NFIB: variants seen among roughly 807,000 people sequenced by gnomAD.
NFIB encodes the protein nuclear factor 1 B-type.
Under a neutral mutation model 61.5 loss-of-function variants are expected in NFIB, and 11 were observed. The ratio of observed to expected loss-of-function variants is 0.18; its 90% CI spans 0.11 to 0.30. The LOEUF (loss-of-function observed/expected upper bound fraction) is 0.30, where lower values mean the gene tolerates loss of function less well. NFIB is among the 10% of genes least tolerant of loss of function. NFIB has a pLI of 1.00. For missense variants in NFIB, 471 were observed against 608.9 expected, an observed-to-expected ratio of 0.77 and a Z score of 2.38; for synonymous variants, 260 against 216.5, an observed-to-expected ratio of 1.20 and a Z score of -1.76.
chr9:14,316,434 T>C (rs898764550), upstream of NFIB, among the ~76,000 whole-genome samples: 1 of 152,006 alleles, frequency 6.6e-6, no homozygotes, highest in Non-Finnish European at 1.5e-5. Context: ...CCCCTGCGAG[T>C]TAACCCTTTC....
At position 14,125,659 on chromosome 9, in the gene NFIB, G is replaced by C. The variant is rs1444607705; in HGVS notation, c.1033C>G (p.Pro345Ala). The change falls in exon 7 of 11, where the codon CCC (proline) becomes GCC (alanine). Residue 345 changes from proline (P) to alanine (A), a missense_variant. This residue lies in a region of NFIB where 372 missense variants were observed against 395.6 expected (regional missense o/e 0.94). Coordinates refer to ENST00000380953, the MANE Select transcript of NFIB (RefSeq NM_001190737.2). ...RLSTFPQHHH[P>A]GIPGVAHSVI... ...CTGTGTGCAACTCCAGGTATTCCGGGATGGTGGTGCTGGGGGAAAGTGCTC... is the reference window on the plus strand; with the variant it reads ...CTGTGTGCAACTCCAGGTATTCCGGCATGGTGGTGCTGGGGGAAAGTGCTC... 4 of 1,614,170 alleles carry C rather than the reference G, an allele frequency of 2.5e-6. No individual in the cohort carries two copies. The highest frequency in any genetic ancestry group is 3.4e-6 in the Non-Finnish European group (4 of 1,180,002).
At chr9:14,254,388 A>G (rs896066553) in intron 2 of NFIB, among the ~76,000 whole-genome samples, 1 of 152,208 alleles carries the variant, frequency 6.6e-6, no homozygotes, top group Non-Finnish European at 1.5e-5. Flanking sequence ...GAGCTCCTCC[A>G]CTGCATCTCA....
the NFIB span, among the ~76,000 whole-genome samples, chr9:14,407,877 G>C: frequency 6.6e-6 from 1 of 151,982 alleles, no homozygotes; most frequent in Non-Finnish European, 1.5e-5. Context: ...GCAGAGACAG[G>C]GTTCTCACTG....
chr9:14,203,543 C>T (rs1383624873), intron 2 of NFIB, among the ~76,000 whole-genome samples: 1 of 152,120 alleles, frequency 6.6e-6, no homozygotes, highest in Non-Finnish European at 1.5e-5. Flanking sequence ...TGTCTTGGCA[C>T]GGAGCGACTG....
rs137980261 is a variant in NFIB, at chr9:14,397,945, C to T, written c.108+579G>A. 9.0e-3 allele frequency among the ~76,000 whole-genome samples: 1,374 copies of T among 152,226 alleles called. 7 individuals are homozygous for T. Among genetic ancestry groups the T allele is most frequent in the Non-Finnish European group, 0.014 (969 of 68,010 alleles). ...TTTTCTCATGTCGCCTGGGTGGTTTCCTCAGCAATATAACATTTGTAGTAA... is the reference window on the plus strand; with the variant it reads ...TTTTCTCATGTCGCCTGGGTGGTTTTCTCAGCAATATAACATTTGTAGTAA... On this transcript the variant is annotated intron_variant, in intron 1 of 8. Transcript: ENST00000380934.
chr9:14,312,422 G>C (rs1382086971), intron 1 of NFIB, among the ~76,000 whole-genome samples: 1 of 152,204 alleles, frequency 6.6e-6, no homozygotes, highest in Non-Finnish European at 1.5e-5. Flanking sequence ...AATTACCAAT[G>C]GTGACACATC....
intron 2 of NFIB, among the ~76,000 whole-genome samples, chr9:14,186,705 C>A (rs1401367587): frequency 6.6e-6 from 1 of 151,986 alleles, no homozygotes; most frequent in Non-Finnish European, 1.5e-5. Context: ...ATGACTGATT[C>A]CTTGGGATTT....
chr9:14,457,347 G>A, the NFIB span, among the ~76,000 whole-genome samples: 2 of 151,986 alleles, frequency 1.3e-5, no homozygotes, highest in Non-Finnish European at 2.9e-5. Context: ...TAGTTTGAAC[G>A]AGTTGATGTC....
At chr9:14,440,016 T>C in the NFIB span, among the ~76,000 whole-genome samples, 1 of 152,194 alleles carries the variant, frequency 6.6e-6, no homozygotes, top group African/African-American at 2.4e-5. Context: ...CTGGAAGTCC[T>C]TCCTCAAAGC....
chr9:14,404,429 C>T, the NFIB span, among the ~76,000 whole-genome samples: 1 of 152,190 alleles, frequency 6.6e-6, no homozygotes, highest in Non-Finnish European at 1.5e-5. Flanking sequence ...AGACCACATG[C>T]ATATACATAT....
chr9:14,507,730 A>C, the NFIB span, among the ~76,000 whole-genome samples: 1 of 152,312 alleles, frequency 6.6e-6, no homozygotes, highest in African/African-American at 2.4e-5. Context: ...GAGAGTGAGA[A>C]GAAGAAAGAG....
Position 14,335,481 on chromosome 9 carries a change from A to G in NFIB, c.109-27961T>C, listed in dbSNP as rs140265947. ...CTTTATGTGCTTACTTGCCATTTCTATATCTTCTCTGGTAAAATATGTATT... is the reference window on the plus strand; with the variant it reads ...CTTTATGTGCTTACTTGCCATTTCTGTATCTTCTCTGGTAAAATATGTATT... On this transcript the variant is annotated intron_variant, in intron 1 of 8. Coordinates refer to the NFIB transcript ENST00000380934. 5.2e-3 allele frequency among the ~76,000 whole-genome samples: 799 copies of G among 152,310 alleles called. 7 individuals are homozygous for G. Among genetic ancestry groups the G allele is most frequent in the African/African-American group, 0.018 (741 of 41,564 alleles).
At chr9:14,371,953 C>G (rs1427503742) in intron 1 of NFIB, among the ~76,000 whole-genome samples, 1 of 152,184 alleles carries the variant, frequency 6.6e-6, no homozygotes, top group Admixed American at 6.5e-5. Context: ...ATGCTCCCCA[C>G]TCTGCTCCAA....
intron 2 of NFIB, among the ~76,000 whole-genome samples, chr9:14,288,379 T>C (rs1349714398): frequency 6.6e-6 from 1 of 152,108 alleles, no homozygotes; most frequent in East Asian, 1.9e-4. Context: ...CCATTTAGTA[T>C]TAAATATTTT....
intron 1 of NFIB, among the ~76,000 whole-genome samples, chr9:14,344,134 G>GAGAGAGAGAGAGAGAGAGAGAGAA (rs1248077284): frequency 6.8e-6 from 1 of 148,020 alleles, no homozygotes; most frequent in African/African-American, 2.5e-5. Flanking sequence ...GAGAGAGAGA[G>GAGAGAGAGAGAGAGAGAGAGAGAA]AAACACTAAG....
chr9:14,377,759 A>G (rs550725233), intron 1 of NFIB, among the ~76,000 whole-genome samples: 9 of 152,304 alleles, frequency 5.9e-5, no homozygotes, highest in South Asian at 2.1e-4. Flanking sequence ...CCAGGCCCCA[A>G]ATGTAGACTG....
chr9:14,192,346 G>A (rs2048035464), intron 2 of NFIB, among the ~76,000 whole-genome samples: 1 of 152,106 alleles, frequency 6.6e-6, no homozygotes, highest in South Asian at 2.1e-4. Context: ...GTGTGATAAA[G>A]CTTTGGATGA....
intron 10 of NFIB, among the ~76,000 whole-genome samples, chr9:14,111,198 T>C (rs2037313614): frequency 6.6e-6 from 1 of 152,152 alleles, no homozygotes; most frequent in Admixed American, 6.5e-5. Flanking sequence ...AAAATTCATA[T>C]TTTCATGATG....
At chr9:14,212,232 T>C (rs2050391603) in intron 2 of NFIB, among the ~76,000 whole-genome samples, 1 of 152,208 alleles carries the variant, frequency 6.6e-6, no homozygotes, top group Non-Finnish European at 1.5e-5. Flanking sequence ...TTATTTCCAA[T>C]TGATGAAAGC....
Sources: allele counts gnomAD v4.1 joint callset (sites outside exome capture counted in the v4.1 genomes callset), GRCh38; gene constraint gnomAD v4.1.1; regional missense constraint gnomAD v4.1.1; transcripts MANE v1.5; gene names NCBI Gene and HGNC (gene_info 2026-07-23, HGNC 2026-07-21).